Variants in PAPPA observed in about 807,000 individuals in gnomAD.
The protein encoded by PAPPA is pappalysin 1.
Under a neutral mutation model 164.0 loss-of-function variants are expected in PAPPA, and 60 were observed. That is an observed-to-expected ratio of 0.37 (90% CI 0.30 to 0.45). The LOEUF is 0.45. Ranked by LOEUF, PAPPA falls within the 20% of genes least tolerant of loss-of-function variation. The pLI, the probability that PAPPA is intolerant of heterozygous loss-of-function variation, is 1.00. For missense variants in PAPPA, 1,782 were observed against 2,087.3 expected (o/e 0.85, Z 2.85); for synonymous variants, 875 against 814.1 (o/e 1.07, Z -1.27).
At position 116,255,475 on chromosome 9, in the gene PAPPA, G is replaced by A. The variant is rs534972221; in HGVS notation, c.2733-10382G>A. On this transcript the variant is annotated intron_variant, in intron 7 of 21. Coordinates refer to ENST00000328252, the MANE Select transcript of PAPPA (RefSeq NM_002581.5). ...AGATAAAATATTACAGATATAACTAGCATCCTTTAAAATGCCTGATTGAGA... is the reference window on the plus strand; with the variant it reads ...AGATAAAATATTACAGATATAACTAACATCCTTTAAAATGCCTGATTGAGA... 9.9e-4 allele frequency among the ~76,000 whole-genome samples: 151 copies of A among 152,090 alleles called. 1 individual carries two copies. Among genetic ancestry groups the A allele is most frequent in the Non-Finnish European group, 1.8e-3 (123 of 68,014 alleles).
intron 10 of PAPPA, among the ~76,000 whole-genome samples, chr9:116,325,942 A>G (rs541318734): frequency 3.6e-4 from 55 of 152,164 alleles, no homozygotes; most frequent in Non-Finnish European, 6.8e-4. Flanking sequence ...ACCACTGCAA[A>G]GGGGAATGAT....
intron 21 of PAPPA, among the ~76,000 whole-genome samples, chr9:116,386,649 G>T (rs980725043): frequency 2.0e-5 from 3 of 152,192 alleles, no homozygotes; most frequent in Non-Finnish European, 4.4e-5. Context: ...ATGGTGCTGA[G>T]TTTCAGAAGA....
At chr9:116,353,911 C>G (rs1172940096) in intron 17 of PAPPA, 118 bp downstream of exon 17, 3 of 685,718 alleles carry the variant, frequency 4.4e-6, no homozygotes, top group Non-Finnish European at 7.2e-6. Context: ...TCCTCATTTT[C>G]CTACCCGCAA....
chr9:116,321,478 G>A (rs147952305), intron 10 of PAPPA, among the ~76,000 whole-genome samples: 1 of 152,298 alleles, frequency 6.6e-6, no homozygotes, highest in African/African-American at 2.4e-5. Flanking sequence ...TGAGCAATTA[G>A]AGTGACTCCC....
intron 4 of PAPPA, among the ~76,000 whole-genome samples, chr9:116,215,973 C>T (rs1438031679): frequency 6.6e-6 from 1 of 152,172 alleles, no homozygotes; most frequent in East Asian, 1.9e-4. Flanking sequence ...CATACATATA[C>T]ACACATATAC....
intron 7 of PAPPA, among the ~76,000 whole-genome samples, chr9:116,237,843 C>T (rs1844689014): frequency 6.6e-6 from 1 of 152,056 alleles, no homozygotes; most frequent in African/African-American, 2.4e-5. Flanking sequence ...CCTCAGCCTC[C>T]TGAGTAGCTG....
chr9:116,212,561 A>G (rs555746274), intron 4 of PAPPA, among the ~76,000 whole-genome samples: 17 of 152,300 alleles, frequency 1.1e-4, no homozygotes, highest in African/African-American at 3.1e-4. Context: ...ACAATTGCAC[A>G]TGGCAGGCCA....
intron 10 of PAPPA, among the ~76,000 whole-genome samples, chr9:116,325,658 A>G (rs1015233740): frequency 2.0e-5 from 3 of 152,176 alleles, no homozygotes; most frequent in South Asian, 4.2e-4. Context: ...TCATCTGCCC[A>G]GCTTCCATAA....
chr9:116,276,782 C>T (rs1005413215), intron 9 of PAPPA, among the ~76,000 whole-genome samples: 3 of 152,132 alleles, frequency 2.0e-5, no homozygotes, highest in Non-Finnish European at 4.4e-5. Context: ...ACAGCATCCC[C>T]AGCCCTGTCC....
In PAPPA at chr9:116,397,555, C is replaced by A. The variant is rs1846981708; in HGVS notation, c.*939C>A. On this transcript the variant is annotated 3_prime_UTR_variant, in exon 22 of 22. Coordinates refer to ENST00000328252, the MANE Select transcript of PAPPA (RefSeq NM_002581.5). ...ACCAAACAGTCTGCCTTAAAAGTGA[C>A]CCACATTTTTCCATAGCTCCTCACT... 6.6e-6 allele frequency: 1 copy of A among 152,600 alleles called. No homozygotes were observed. Among genetic ancestry groups the A allele is most frequent in the African/African-American group, 2.4e-5 (1 of 41,446 alleles). The allele number at this position is 152,600 out of a possible 1,614,324, so 9.5% of individuals were successfully genotyped here.
chr9:116,397,447 T>C lies in PAPPA; in HGVS notation c.*831T>C, dbSNP rs984097510. ...CCCCAGATCTTGCCTTGGGACCACA[T>C]TTGCTGCTACTTTTCCTGCTGCTCT... On this transcript the variant is annotated 3_prime_UTR_variant, in exon 22 of 22. Transcript: ENST00000328252. The C allele has an allele frequency of 2.6e-5, 4 of 152,832 alleles. No homozygotes were observed. Among genetic ancestry groups the C allele is most frequent in the African/African-American group, 9.6e-5 (4 of 41,462 alleles). The allele number at this position is 152,832 out of a possible 1,614,324, so 9.5% of individuals were successfully genotyped here. A position where few individuals can be genotyped will look rare whatever the true frequency, so the allele number is the denominator to read the frequency against.
At chr9:116,294,817 T>C (rs1163062221) in intron 9 of PAPPA, among the ~76,000 whole-genome samples, 2 of 152,348 alleles carry the variant, frequency 1.3e-5, no homozygotes, top group East Asian at 3.9e-4. Flanking sequence ...TTAAAGATCT[T>C]TTTGAAAAGT....
At position 116,302,765 on chromosome 9, in the gene PAPPA, A is replaced by G; in HGVS notation, c.2962A>G (p.Ser988Gly). The part of the protein sequence containing the change: ...EVSFNCIDEP[S>G]RCYFHDGDGV... Reference sequence around the variant, plus strand: ...ATGTCAATCTTTTGCAGATGAACCCAGCCGGTGCTATTTCCATGATGGTGA... The same window carrying G: ...ATGTCAATCTTTTGCAGATGAACCCGGCCGGTGCTATTTCCATGATGGTGA... Residue 988 changes from serine to glycine, a missense_variant, in exon 10 of 22, where the codon AGC becomes GGC. Around this residue, in one of 2 missense-constraint regions of PAPPA, gnomAD observed 1,324 missense variants for 1,656.9 expected, o/e 0.80. Transcript: ENST00000328252. The G allele has an allele frequency of 6.2e-7, 1 of 1,611,224 alleles. No individual in the cohort carries two copies. Among genetic ancestry groups the G allele is most frequent in the Non-Finnish European group, 8.5e-7 (1 of 1,177,862 alleles).
chr9:116,254,059 A>G (rs565466793), intron 7 of PAPPA, among the ~76,000 whole-genome samples: 2 of 152,198 alleles, frequency 1.3e-5, no homozygotes, highest in South Asian at 4.1e-4. Flanking sequence ...TTCTCCAGTC[A>G]AGCCAGTATA....
At chr9:116,227,688 T>C (rs1029461610) in intron 6 of PAPPA, 136 bp downstream of exon 6, 1 of 939,736 alleles carries the variant, frequency 1.1e-6, no homozygotes, top group Non-Finnish European at 1.5e-6. Flanking sequence ...CCTGCAAGGT[T>C]AGTAGTCAAG....
chr9:116,190,211 A>G (rs532013531), intron 2 of PAPPA, among the ~76,000 whole-genome samples: 16 of 152,308 alleles, frequency 1.1e-4, no homozygotes, highest in Non-Finnish European at 2.2e-4. Context: ...CAAGTCTATG[A>G]TCAGTGTGCT....
At chr9:116,384,164 G>T in intron 21 of PAPPA, among the ~76,000 whole-genome samples, 1 of 151,864 alleles carries the variant, frequency 6.6e-6, no homozygotes, top group African/African-American at 2.4e-5. Context: ...AGTGGCTCAC[G>T]GTTGTAACTC....
chr9:116,176,467 T>A lies in PAPPA; in HGVS notation c.416-10687T>A, dbSNP rs145937307. ...TGATGGATTAAGCACCAGCTTTGTT[T>A]TTTCATACCCTTTATGGTGCATAAT... On this transcript the variant is annotated intron_variant, in intron 1 of 21. Transcript: ENST00000328252. 2.2e-3 allele frequency among the ~76,000 whole-genome samples: 329 copies of A among 152,298 alleles called. 2 individuals are homozygous for A. Among genetic ancestry groups the A allele is most frequent in the African/African-American group, 7.7e-3 (322 of 41,562 alleles).
intron 1 of PAPPA, among the ~76,000 whole-genome samples, chr9:116,156,344 A>ATATG (rs1554730872): frequency 1.5e-5 from 2 of 129,600 alleles, no homozygotes; most frequent in Non-Finnish European, 3.4e-5. Flanking sequence ...GTATATATAT[A>ATATG]TATGTATATA....
Sources: gnomAD v4.1 joint callset for allele counts (sites outside exome capture counted in the v4.1 genomes callset) on GRCh38, gnomAD v4.1.1 for gene constraint, gnomAD v4.1.1 regional missense constraint, MANE v1.5 for transcripts, NCBI Gene and HGNC (gene_info 2026-07-23, HGNC 2026-07-21) for gene names.